TAFA2: variants seen among roughly 807,000 people sequenced by gnomAD.
TAFA2 encodes TAFA chemokine like family member 2.
In TAFA2, 7 loss-of-function variants were observed where a neutral mutation model predicts 18.8. That is an observed-to-expected ratio of 0.37 (90% CI 0.21 to 0.70). The LOEUF (loss-of-function observed/expected upper bound fraction) is 0.70, where lower values mean the gene tolerates loss of function less well. TAFA2 is among the 30% of genes least tolerant of loss of function. The pLI, the probability that TAFA2 is intolerant of heterozygous loss-of-function variation, is 0.53. For missense variants in TAFA2, 122 were observed against 158.1 expected, an observed-to-expected ratio of 0.77 and a Z score of 1.23; for synonymous variants, 60 against 54.2, an observed-to-expected ratio of 1.11 and a Z score of -0.47.
chr12:62,027,859 T>C (rs1161602503), intron 1 of TAFA2, among the ~76,000 whole-genome samples: 1 of 152,184 alleles, frequency 6.6e-6, no homozygotes, highest in Non-Finnish European at 1.5e-5. Flanking sequence ...TTAATTGCCA[T>C]GTTTTGCTGC....
intron 1 of TAFA2, among the ~76,000 whole-genome samples, chr12:62,082,539 C>T (rs991777527): frequency 6.6e-6 from 1 of 152,114 alleles, no homozygotes; most frequent in Non-Finnish European, 1.5e-5. Flanking sequence ...GATATGGTTC[C>T]AAGCAGTGAG....
chr12:62,111,576 T>C (rs896856734), intron 1 of TAFA2, among the ~76,000 whole-genome samples: 4 of 152,238 alleles, frequency 2.6e-5, no homozygotes, highest in African/African-American at 9.6e-5. Context: ...TGTCTAATAC[T>C]GACAGTGTGG....
chr12:61,793,334 T>G (rs1331706379), intron 2 of TAFA2, among the ~76,000 whole-genome samples: 2 of 150,848 alleles, frequency 1.3e-5, no homozygotes, highest in African/African-American at 2.4e-5. Context: ...CTTTGAAAAA[T>G]TCAATAAAAT....
At chr12:62,131,723 T>A (rs1870693436) in intron 1 of TAFA2, among the ~76,000 whole-genome samples, 1 of 152,040 alleles carries the variant, frequency 6.6e-6, no homozygotes, top group Non-Finnish European at 1.5e-5. Context: ...AAAATGACCA[T>A]TTTTTAATGT....
intron 1 of TAFA2, among the ~76,000 whole-genome samples, chr12:61,928,966 C>T (rs1221313335): frequency 6.6e-6 from 1 of 152,030 alleles, no homozygotes; most frequent in Non-Finnish European, 1.5e-5. Flanking sequence ...AATGAGAACA[C>T]ATGGACACAG....
At chr12:62,017,271 G>T (rs2136722816) in intron 1 of TAFA2, among the ~76,000 whole-genome samples, 1 of 152,168 alleles carries the variant, frequency 6.6e-6, no homozygotes, top group African/African-American at 2.4e-5. Flanking sequence ...CTCAGTGAAT[G>T]AATACTGATA....
chr12:61,985,973 C>T (rs939332811), intron 1 of TAFA2, among the ~76,000 whole-genome samples: 3 of 152,058 alleles, frequency 2.0e-5, no homozygotes, highest in Non-Finnish European at 2.9e-5. Flanking sequence ...CCACAGCTAC[C>T]TCAGCCCACA....
intron 1 of TAFA2, among the ~76,000 whole-genome samples, chr12:62,042,199 C>A (rs1462800049): frequency 6.6e-6 from 1 of 151,890 alleles, no homozygotes; most frequent in Non-Finnish European, 1.5e-5. Flanking sequence ...CTCTCTTATC[C>A]CTACAAGCAA....
intron 4 of TAFA2, among the ~76,000 whole-genome samples, chr12:61,732,251 A>G (rs972188643): frequency 1.3e-5 from 2 of 152,118 alleles, no homozygotes; most frequent in African/African-American, 2.4e-5. Context: ...AAAAAAGTAC[A>G]AAAGGGTGGT....
chr12:62,168,316 C>T (rs572293817), intron 1 of TAFA2, among the ~76,000 whole-genome samples: 54 of 152,292 alleles, frequency 3.5e-4, no homozygotes, highest in African/African-American at 1.3e-3. Flanking sequence ...ACACCACCAC[C>T]TATGAAATAT....
intron 1 of TAFA2, among the ~76,000 whole-genome samples, chr12:62,060,125 T>C (rs1014074629): frequency 1.3e-5 from 2 of 152,240 alleles, no homozygotes; most frequent in South Asian, 2.1e-4. Context: ...TCACTGAGGA[T>C]ACAGGCTTTT....
At chr12:62,008,487 C>T (rs1328614523) in intron 1 of TAFA2, among the ~76,000 whole-genome samples, 1 of 151,968 alleles carries the variant, frequency 6.6e-6, no homozygotes, top group Non-Finnish European at 1.5e-5. Flanking sequence ...ATGCTAGTAC[C>T]TACCATTTTT....
chr12:61,847,556 G>A (rs144379660), intron 2 of TAFA2, among the ~76,000 whole-genome samples: 308 of 152,206 alleles, frequency 2.0e-3, no homozygotes, highest in African/African-American at 6.6e-3. Flanking sequence ...ATTACGTTAG[G>A]ATATAATTAT....
At chr12:62,061,308 A>G (rs1414654893) in intron 1 of TAFA2, among the ~76,000 whole-genome samples, 1 of 152,178 alleles carries the variant, frequency 6.6e-6, no homozygotes, top group Non-Finnish European at 1.5e-5. Context: ...TCCATATTTT[A>G]ATATTTTAAA....
chr12:61,850,181 G>T (rs1443230961), intron 2 of TAFA2, among the ~76,000 whole-genome samples: 2 of 151,656 alleles, frequency 1.3e-5, no homozygotes, highest in Non-Finnish European at 2.9e-5. Flanking sequence ...AAGGGAGAGG[G>T]ATCAGTTAGG....
chr12:61,758,429 C>T (rs1363913967), intron 2 of TAFA2, among the ~76,000 whole-genome samples: 3 of 151,750 alleles, frequency 2.0e-5, no homozygotes, highest in Non-Finnish European at 4.4e-5. Flanking sequence ...AAATTGTGAT[C>T]CAGGGCCCCT....
intron 1 of TAFA2, among the ~76,000 whole-genome samples, chr12:62,152,352 C>T (rs2062334267): frequency 1.3e-5 from 2 of 152,170 alleles, no homozygotes; most frequent in South Asian, 4.1e-4. Context: ...GAAGATAAGT[C>T]ACCCTGACAT....
At chr12:61,932,732 G>T (rs372106457) in intron 1 of TAFA2, among the ~76,000 whole-genome samples, 1 of 152,028 alleles carries the variant, frequency 6.6e-6, no homozygotes, top group Non-Finnish European at 1.5e-5. Flanking sequence ...GAGCCACCGC[G>T]CCCAGCCCCA....
intron 1 of TAFA2, among the ~76,000 whole-genome samples, chr12:62,096,974 CTCTT>C (rs1365083141): frequency 1.8e-4 from 27 of 152,162 alleles, no homozygotes; most frequent in Non-Finnish European, 2.9e-5. Flanking sequence ...ATCTCTCTCT[CTCTT>C]TGATTCCCCA....
Sources: gnomAD v4.1 joint callset for allele counts (sites outside exome capture counted in the v4.1 genomes callset) on GRCh38, gnomAD v4.1.1 for gene constraint, MANE v1.5 for transcripts, NCBI Gene and HGNC (gene_info 2026-07-23, HGNC 2026-07-21) for gene names.